ADAMTS12: variants seen among roughly 807,000 people sequenced by gnomAD.
The protein encoded by ADAMTS12 is ADAM metallopeptidase with thrombospondin type 1 motif 12, also known as A disintegrin and metalloproteinase with thrombospondin motifs 12.
ADAMTS12 carries 118 observed loss-of-function variants against 167.8 expected under a neutral mutation model. The ratio of observed to expected loss-of-function variants is 0.70; its 90% CI spans 0.61 to 0.82. The LOEUF (loss-of-function observed/expected upper bound fraction) is 0.82, where lower values mean the gene tolerates loss of function less well. ADAMTS12 is among the 40% of genes least tolerant of loss of function. The probability of loss-of-function intolerance (pLI) is 0.00; values close to 1 mark genes in which losing one functional copy is unlikely to be tolerated. For missense variants in ADAMTS12, 1,916 were observed against 1,998.8 expected, an observed-to-expected ratio of 0.96 and a Z score of 0.79; for synonymous variants, 704 against 716.9, an observed-to-expected ratio of 0.98 and a Z score of 0.29.
intron 3 of ADAMTS12, among the ~76,000 whole-genome samples, chr5:33,715,928 A>T (rs975956372): frequency 6.6e-6 from 1 of 152,080 alleles, no homozygotes; most frequent in Admixed American, 6.6e-5. Flanking sequence ...ACTTTGTTTG[A>T]CTCACAATTT....
chr5:33,831,181 T>C (rs1561295927), intron 2 of ADAMTS12, among the ~76,000 whole-genome samples: 1 of 152,204 alleles, frequency 6.6e-6, no homozygotes, highest in African/African-American at 2.4e-5. Flanking sequence ...ACTATGACAT[T>C]CTTTTAAGCA....
chr5:33,730,984 A>C (rs940044530), intron 3 of ADAMTS12, among the ~76,000 whole-genome samples: 7 of 152,184 alleles, frequency 4.6e-5, no homozygotes, highest in Non-Finnish European at 1.0e-4. Flanking sequence ...ACTATTTGGG[A>C]GATCTCTGAC....
intron 6 of ADAMTS12, among the ~76,000 whole-genome samples, chr5:33,658,608 A>T (rs1400957678): frequency 1.3e-5 from 2 of 152,198 alleles, no homozygotes; most frequent in African/African-American, 4.8e-5. Flanking sequence ...CGGGAGGTCA[A>T]ATTACATGAT....
intron 2 of ADAMTS12, among the ~76,000 whole-genome samples, chr5:33,777,662 G>A (rs1024008378): frequency 1.3e-5 from 2 of 152,064 alleles, no homozygotes; most frequent in Non-Finnish European, 2.9e-5. Flanking sequence ...ATATGGTGCT[G>A]GAAGTCATAG....
Position 33,548,702 on chromosome 5 carries a change from GCA to G in ADAMTS12, c.4302+503_4302+504del, listed in dbSNP as rs55980424. On this transcript the variant is annotated intron_variant, in intron 21 of 23. Coordinates refer to ENST00000504830, the MANE Select transcript of ADAMTS12 (RefSeq NM_030955.4). The stretch of plus-strand genomic sequence containing the variant: ...CAGAGCCAGGGCCCTCATAAAGAGA[GCA>G]CACACACACACACACACACACACAC... Among the ~76,000 whole-genome samples, 416 of 148,876 alleles carry G rather than the reference GCA, an allele frequency of 2.8e-3. 1 individual carries two copies. The highest frequency in any genetic ancestry group is 9.7e-3 in the South Asian group (45 of 4,630).
chr5:33,552,453 T>A (rs1032981914), intron 20 of ADAMTS12, among the ~76,000 whole-genome samples: 1 of 152,250 alleles, frequency 6.6e-6, no homozygotes, highest in Non-Finnish European at 1.5e-5. Context: ...ATGTATGAGA[T>A]CACTGAGTTT....
In ADAMTS12 at chr5:33,856,926, G is replaced by A. The variant is rs141344638; in HGVS notation, c.489+24193C>T. On this transcript the variant is annotated intron_variant, in intron 2 of 23. Transcript: ENST00000504830. ...TATACCCAAAGGAATTGAAATCACT[G>A]TCTTCAAGAGATAGCTGCAATCTCA... Among the ~76,000 whole-genome samples the A allele has an allele frequency of 2.0e-3, 299 of 152,312 alleles. 1 individual carries two copies. Among genetic ancestry groups the A allele is most frequent in the African/African-American group, 7.0e-3 (290 of 41,562 alleles).
At chr5:33,849,299 T>C (rs1251107272) in intron 2 of ADAMTS12, among the ~76,000 whole-genome samples, 4 of 124,574 alleles carry the variant, frequency 3.2e-5, no homozygotes, top group Admixed American at 2.6e-4. Context: ...CATAGCAATA[T>C]ATATATATGT....
intron 2 of ADAMTS12, among the ~76,000 whole-genome samples, chr5:33,856,755 G>A (rs1041404085): frequency 2.0e-5 from 3 of 152,162 alleles, no homozygotes; most frequent in Non-Finnish European, 4.4e-5. Context: ...GGGATAACAA[G>A]TTTGGCCATG....
intron 3 of ADAMTS12, among the ~76,000 whole-genome samples, chr5:33,742,046 A>G (rs1744608684): frequency 6.6e-6 from 1 of 152,032 alleles, no homozygotes; most frequent in South Asian, 2.1e-4. Flanking sequence ...TTCTTTTTCC[A>G]CTAGACTGTA....
At chr5:33,635,335 A>G (rs573115643) in intron 12 of ADAMTS12, among the ~76,000 whole-genome samples, 16 of 152,278 alleles carry the variant, frequency 1.1e-4, no homozygotes, top group Admixed American at 7.8e-4. Flanking sequence ...CCTTAGGGAA[A>G]ATTCAAAATT....
rs779295680 is a variant in ADAMTS12 at position 33,751,451 on chromosome 5, C to A, written c.587G>T (p.Arg196Met). The A allele has an allele frequency of 2.5e-6, 4 of 1,614,020 alleles. No homozygotes were observed. The African/African-American group carries it at 5.3e-5, about 22-fold the overall frequency. ...CTTGGTTTCTGGAACTTTCTGCCTC[C>A]TGTAAACGATGTGCGGGTGGTACCC... ...EGGYHPHIVY[R>M]RQKVPETKEP... Residue 196 changes from arginine to methionine, a missense_variant, in exon 3 of 24, where the codon AGG becomes ATG. Coordinates refer to ENST00000504830, the MANE Select transcript of ADAMTS12 (RefSeq NM_030955.4).
chr5:33,699,505 C>A (rs1187310622), intron 3 of ADAMTS12, among the ~76,000 whole-genome samples: 1 of 151,956 alleles, frequency 6.6e-6, no homozygotes, highest in East Asian at 1.9e-4. Flanking sequence ...GGATGAAGGA[C>A]TAGGCCACGA....
chr5:33,659,002 A>G (rs1240203609), intron 6 of ADAMTS12, among the ~76,000 whole-genome samples: 1 of 152,210 alleles, frequency 6.6e-6, no homozygotes, highest in Admixed American at 6.6e-5. Flanking sequence ...TGAAAGAGTC[A>G]CTAATTAGTC....
intron 1 of ADAMTS12, among the ~76,000 whole-genome samples, chr5:33,890,318 C>A (rs1215339271): frequency 6.6e-6 from 1 of 152,188 alleles, no homozygotes; most frequent in Non-Finnish European, 1.5e-5. Context: ...CAAAGAACAA[C>A]AAGCCCTGCT....
chr5:33,541,453 G>A (rs771496968), intron 22 of ADAMTS12, among the ~76,000 whole-genome samples: 36 of 152,176 alleles, frequency 2.4e-4, no homozygotes, highest in Non-Finnish European at 4.3e-4. Context: ...AGCAAGGCAG[G>A]CCAACATTCA....
chr5:33,837,893 A>G (rs1215612876), intron 2 of ADAMTS12, among the ~76,000 whole-genome samples: 1 of 152,242 alleles, frequency 6.6e-6, no homozygotes, highest in African/African-American at 2.4e-5. Context: ...CTGAAAACGT[A>G]CTGTCAAAAA....
rs1264543661 is a variant in ADAMTS12 at position 33,881,464 on chromosome 5, G to A, written c.144C>T (p.Gly48=). The change falls in exon 2 of 24, where the codon GGC becomes GGT. Residue 48 remains glycine, a synonymous_variant. Coordinates refer to ENST00000504830, the MANE Select transcript of ADAMTS12 (RefSeq NM_030955.4). The stretch of plus-strand genomic sequence containing the variant: ...GACCCACCACGTGGTATTCTGGCAG[G>A]CCCTTGATAAAATGCTCTGAAAGAA... ...PDRRQEHFIK[G]LPEYHVVGPV... The A allele has an allele frequency of 1.1e-5, 18 of 1,612,234 alleles. No individual in the cohort carries two copies. The highest frequency in any genetic ancestry group is 1.1e-4 in the African/African-American group (8 of 74,868).
intron 3 of ADAMTS12, among the ~76,000 whole-genome samples, chr5:33,694,051 A>C (rs1390134837): frequency 6.6e-6 from 1 of 152,220 alleles, no homozygotes; most frequent in African/African-American, 2.4e-5. Flanking sequence ...AATTCCATTC[A>C]CAATAGCCAC....
Sources: gnomAD v4.1 joint callset for allele counts (sites outside exome capture counted in the v4.1 genomes callset) on GRCh38, gnomAD v4.1.1 for gene constraint, MANE v1.5 for transcripts, NCBI Gene and HGNC (gene_info 2026-07-23, HGNC 2026-07-21) for gene names.